The following OR51C1 variants were observed in gnomAD, a reference collection of about 807,000 sequenced individuals.
The protein encoded by OR51C1 is olfactory receptor family 51 subfamily C member 1, also known as olfactory receptor OR51C1.
At chr11:4,697,281 T>C in the OR51C1 span, among the ~76,000 whole-genome samples, 1 of 152,184 alleles carries the variant, frequency 6.6e-6, no homozygotes, top group Non-Finnish European at 1.5e-5. Flanking sequence ...TCCTCATCTA[T>C]AAGACAGGAT....
At chr11:4,694,627 CAA>C in the OR51C1 span, among the ~76,000 whole-genome samples, 1 of 151,146 alleles carries the variant, frequency 6.6e-6, no homozygotes, top group Non-Finnish European at 1.5e-5. Context: ...CTTGCTGTGT[CAA>C]GAGTCTAGGG....
chr11:4,697,469 G>A, the OR51C1 span, among the ~76,000 whole-genome samples: 5 of 152,168 alleles, frequency 3.3e-5, no homozygotes, highest in South Asian at 2.1e-4. Flanking sequence ...CAGGCAGAAC[G>A]AAATACCCAT....
the OR51C1 span, among the ~76,000 whole-genome samples, chr11:4,696,451 T>C: frequency 6.6e-6 from 1 of 152,136 alleles, no homozygotes; most frequent in South Asian, 2.1e-4. Flanking sequence ...ACTCCTGAAA[T>C]GTAAAAGATG....
chr11:4,697,455 A>T, the OR51C1 span, among the ~76,000 whole-genome samples: 1 of 152,348 alleles, frequency 6.6e-6, no homozygotes, highest in East Asian at 1.9e-4. Flanking sequence ...TATCTAACCT[A>T]TATCAGGCAG....
chr11:4,692,247 A>G, the OR51C1 span: 2 of 386,498 alleles, frequency 5.2e-6, no homozygotes, highest in Admixed American at 3.1e-5. Context: ...ACAAAGTAAC[A>G]CATAGGAAGT....
At chr11:4,694,385 G>A in the OR51C1 span, among the ~76,000 whole-genome samples, 1,865 of 151,442 alleles carry the variant, frequency 0.012, 36 homozygotes, top group African/African-American at 0.041. Context: ...AGAGACAGAG[G>A]GTACCTTATT....
the OR51C1 span, among the ~76,000 whole-genome samples, chr11:4,693,532 T>C: frequency 1.3e-5 from 2 of 152,008 alleles, no homozygotes; most frequent in African/African-American, 4.8e-5. Context: ...CCATCCTGGC[T>C]AACATGGTGA....
chr11:4,692,465 C>A, the OR51C1 span, among the ~76,000 whole-genome samples: 1 of 152,226 alleles, frequency 6.6e-6, no homozygotes, highest in African/African-American at 2.4e-5. Context: ...AGAACAGAAT[C>A]TCTCTATTTT....
At chr11:4,694,335 G>A in the OR51C1 span, among the ~76,000 whole-genome samples, 12 of 151,666 alleles carry the variant, frequency 7.9e-5, no homozygotes, top group African/African-American at 1.9e-4. Context: ...CACTTTACAA[G>A]CATATCTTCC....
At chr11:4,693,942 A>G in the OR51C1 span, among the ~76,000 whole-genome samples, 2 of 152,116 alleles carry the variant, frequency 1.3e-5, no homozygotes, top group East Asian at 1.9e-4. Flanking sequence ...TCAATATCTC[A>G]TATACAGCGA....
the OR51C1 span, among the ~76,000 whole-genome samples, chr11:4,696,312 C>T: frequency 6.6e-6 from 1 of 152,152 alleles, no homozygotes; most frequent in Non-Finnish European, 1.5e-5. Context: ...CAGCAAACGA[C>T]ATCGAACTCT....
chr11:4,697,801 C>A, the OR51C1 span: 4 of 152,436 alleles, frequency 2.6e-5, no homozygotes, highest in African/African-American at 9.7e-5. Flanking sequence ...AAGGCCAATT[C>A]CTGGTGGTGG....
the OR51C1 span, among the ~76,000 whole-genome samples, chr11:4,693,453 G>T: frequency 6.6e-6 from 1 of 152,152 alleles, no homozygotes; most frequent in East Asian, 1.9e-4. Context: ...TGGGCGCGGT[G>T]GCTCACGCCT....
At chr11:4,694,249 G>A in the OR51C1 span, among the ~76,000 whole-genome samples, 1 of 151,260 alleles carries the variant, frequency 6.6e-6, no homozygotes, top group African/African-American at 2.4e-5. Context: ...CAAAACAAAA[G>A]AAAACCATAG....
chr11:4,694,042 TC>T, the OR51C1 span, among the ~76,000 whole-genome samples: 4 of 152,220 alleles, frequency 2.6e-5, no homozygotes, highest in African/African-American at 9.6e-5. Flanking sequence ...CTACGCAATA[TC>T]TGAGTTGTAA....
the OR51C1 span, among the ~76,000 whole-genome samples, chr11:4,695,331 G>C: frequency 2.0e-5 from 3 of 151,910 alleles, no homozygotes; most frequent in South Asian, 2.1e-4. Context: ...TTGCTTTTTT[G>C]AAGTCTGCAA....
the OR51C1 span, among the ~76,000 whole-genome samples, chr11:4,694,591 C>G: frequency 6.6e-6 from 1 of 151,592 alleles, no homozygotes. Context: ...CACACACACA[C>G]ACACACACAT....
the OR51C1 span, among the ~76,000 whole-genome samples, chr11:4,697,033 A>G: frequency 2.6e-5 from 4 of 152,212 alleles, no homozygotes; most frequent in African/African-American, 9.6e-5. Flanking sequence ...CTTTATAAGC[A>G]TTATTTTAAT....
chr11:4,690,578 C>A, the OR51C1 span: 17 of 255,336 alleles, frequency 6.7e-5, no homozygotes, highest in East Asian at 1.2e-3. Context: ...ACCTCCTCAT[C>A]TGGAAAATAA....
Sources: allele counts gnomAD v4.1 joint callset (sites outside exome capture counted in the v4.1 genomes callset), GRCh38; gene constraint gnomAD v4.1.1; transcripts MANE v1.5; gene names NCBI Gene and HGNC (gene_info 2026-07-23, HGNC 2026-07-21).